Variants in TLE7 observed in about 807,000 individuals in gnomAD.
TLE7 encodes TLE family member 7, also known as transducin-like enhancer protein 7.
intron 5 of TLE7, 42 bp from the exon 6 acceptor site, chr16:71,432,044 C>T (rs1267367027): frequency 1.5e-5 from 6 of 400,720 alleles, no homozygotes; most frequent in Admixed American, 8.8e-5. Context: ...CTTGGGGCAC[C>T]GAACCTGGGT....
Position 71,430,986 on chromosome 16 carries a change from TTCAGGCTG to T in TLE7, c.1147+127_1147+134del. On this transcript the variant is annotated intron_variant, in intron 8 of 9. Transcript: ENST00000561754. ...CACGCCTCTTCAGTCTGCCTGAGTC[TTCAGGCTG>T]TCATTCTGTGCAGGATCTCCCATTA... The T allele has an allele frequency of 1.0e-5, 4 of 399,354 alleles. No homozygotes were observed. In the Admixed American group the frequency reaches 1.8e-4, roughly 18 times the overall value. 24.7% of individuals were successfully genotyped at this position (399,354 alleles called of 1,614,324 possible).
intron 1 of TLE7, among the ~76,000 whole-genome samples, chr16:71,438,572 T>G (rs1464473523): frequency 6.7e-6 from 1 of 148,574 alleles, no homozygotes; most frequent in African/African-American, 2.5e-5. Flanking sequence ...TCCCAGCTAT[T>G]CGGGAGGCTG....
At position 71,431,209 on chromosome 16, in the gene TLE7, G is replaced by A. The variant is rs751122339; in HGVS notation, c.1059C>T (p.Ile353=). The stretch of plus-strand genomic sequence containing the variant: ...CATTCCGACGAGTGTGAAGGAACAC[G>A]ATATCACTCGTTCTCAGGCCCGCCA... The part of the protein sequence containing the change: ...WVLAGLRTSD[I]VFLHTRRNEQ... The change falls in exon 8 of 10, where the codon ATC becomes ATT. Residue 353 remains isoleucine, a synonymous_variant. Coordinates refer to ENST00000561754, the MANE Select transcript of TLE7 (RefSeq NM_001367365.2). The surrounding 1 kb of genome is among the most constrained non-coding windows in gnomAD (Gnocchi z 4.5). 3.7e-5 allele frequency: 15 copies of A among 400,484 alleles called. No homozygotes were observed. Among genetic ancestry groups the A allele is most frequent in the Admixed American group, 1.8e-4 (4 of 22,720 alleles). 24.8% of individuals were successfully genotyped at this position (400,484 alleles called of 1,614,324 possible).
chr16:71,441,725 C>G (rs1007664366), intron 1 of TLE7, among the ~76,000 whole-genome samples: 1 of 152,250 alleles, frequency 6.6e-6, no homozygotes, highest in Non-Finnish European at 1.5e-5. Context: ...CCCCGCTCCC[C>G]TGCCCCCTTC....
intron 1 of TLE7, among the ~76,000 whole-genome samples, chr16:71,435,876 A>AC (rs1301543297): frequency 6.6e-6 from 1 of 152,170 alleles, no homozygotes. Context: ...AGCAGAGACC[A>AC]CCACTGCTCA....
Position 71,430,755 on chromosome 16 carries a change from G to T in TLE7, c.1148-14C>A. 5.0e-6 allele frequency: 2 copies of T among 398,432 alleles called. No homozygotes were observed. Among genetic ancestry groups the T allele is most frequent in the South Asian group, 2.6e-4 (2 of 7,744 alleles). 24.7% of individuals were successfully genotyped at this position (398,432 alleles called of 1,614,324 possible). ...CAAAATAGCTCCCTGGTGAAGGAACGAACAGGTGAGAGGCCAGAGACCAAT... is the reference window on the plus strand; with the variant it reads ...CAAAATAGCTCCCTGGTGAAGGAACTAACAGGTGAGAGGCCAGAGACCAAT... On this transcript the variant is annotated splice_polypyrimidine_tract_variant and intron_variant, in intron 8 of 9. Transcript: ENST00000561754.
At chr16:71,440,886 C>T (rs1179032504) in intron 1 of TLE7, among the ~76,000 whole-genome samples, 2 of 152,180 alleles carry the variant, frequency 1.3e-5, no homozygotes, top group Admixed American at 6.5e-5. Flanking sequence ...CTCCTCCCAC[C>T]TCCTCCCTCA....
chr16:71,434,815 A>G (rs974733234), intron 1 of TLE7, among the ~76,000 whole-genome samples: 1 of 152,206 alleles, frequency 6.6e-6, no homozygotes, highest in African/African-American at 2.4e-5. Flanking sequence ...GAAGGAAGGC[A>G]ATATCCGCCA....
At chr16:71,432,437 C>A (rs552564143) in intron 4 of TLE7, 112 bp from the exon 5 acceptor site, 1 of 397,764 alleles carries the variant, frequency 2.5e-6, no homozygotes, top group Non-Finnish European at 4.4e-6. Context: ...CCCACCCAAC[C>A]GCAGAACCTG....
At chr16:71,434,655 C>T (rs760272313) in intron 1 of TLE7, among the ~76,000 whole-genome samples, 7 of 152,146 alleles carry the variant, frequency 4.6e-5, no homozygotes, top group African/African-American at 7.2e-5. Flanking sequence ...ATTTTATGCT[C>T]ACAACTATAT....
At position 71,431,067 on chromosome 16, in the gene TLE7, C is replaced by T. The variant is rs181738922; in HGVS notation, c.1147+54G>A. 8.7e-5 allele frequency: 35 copies of T among 400,654 alleles called. No individual in the cohort carries two copies. Among genetic ancestry groups the T allele is most frequent in the Non-Finnish European group, 1.5e-4 (33 of 226,240 alleles). The allele number at this position is 400,654 out of a possible 1,614,324, so 24.8% of individuals were successfully genotyped here. On this transcript the variant is annotated intron_variant, in intron 8 of 9. Transcript: ENST00000561754. This position sits in a 1 kb window ranked among gnomAD's most constrained non-coding sequence, Gnocchi z 4.5. ...GGGGGGTGAACAGAGAAAGAAGAGA[C>T]GACAGCAAGTTCAAAATCGGACACC...
chr16:71,440,464 C>T (rs1026414324), intron 1 of TLE7, among the ~76,000 whole-genome samples: 5 of 149,196 alleles, frequency 3.4e-5, no homozygotes, highest in African/African-American at 1.3e-4. Context: ...GGCAACAGAG[C>T]GAGACTGCGC....
intron 1 of TLE7, among the ~76,000 whole-genome samples, chr16:71,435,396 G>A (rs2042822321): frequency 6.6e-6 from 1 of 152,144 alleles, no homozygotes; most frequent in Non-Finnish European, 1.5e-5. Flanking sequence ...GGGTGGCAGA[G>A]TGAAACTCTG....
intron 1 of TLE7, among the ~76,000 whole-genome samples, chr16:71,438,376 G>C (rs546210292): frequency 5.6e-4 from 74 of 132,862 alleles, no homozygotes; most frequent in Non-Finnish European, 9.8e-4. Flanking sequence ...CCTGAAGCAA[G>C]ATTGCGCCAC....
intron 1 of TLE7, among the ~76,000 whole-genome samples, chr16:71,434,082 G>A (rs532996411): frequency 2.0e-5 from 3 of 152,238 alleles, no homozygotes; most frequent in South Asian, 4.1e-4. Flanking sequence ...ACCTAGAGGG[G>A]TTGGAGGAAA....
chr16:71,431,070 C>A lies in TLE7; in HGVS notation c.1147+51G>T. The A allele has an allele frequency of 2.5e-6, 1 of 400,702 alleles. No homozygotes were observed. The highest frequency in any genetic ancestry group is 4.4e-6 in the Non-Finnish European group (1 of 226,254). 24.8% of individuals were successfully genotyped at this position (400,702 alleles called of 1,614,324 possible). ...GGGTGAACAGAGAAAGAAGAGACGA[C>A]AGCAAGTTCAAAATCGGACACCCAG... On this transcript the variant is annotated intron_variant, in intron 8 of 9. Transcript: ENST00000561754. The surrounding 1 kb of genome is among the most constrained non-coding windows in gnomAD (Gnocchi z 4.5).
At chr16:71,441,542 G>T (rs897660260) in intron 1 of TLE7, among the ~76,000 whole-genome samples, 6 of 152,248 alleles carry the variant, frequency 3.9e-5, no homozygotes, top group Non-Finnish European at 7.3e-5. Context: ...TCCAGCCCTC[G>T]CTTGGCCGGC....
At chr16:71,430,510 G>A (rs1459886406) in intron 9 of TLE7, 144 bp from the exon 10 acceptor site, 3 of 397,932 alleles carry the variant, frequency 7.5e-6, no homozygotes, top group Middle Eastern at 6.3e-4. Flanking sequence ...TGACTTGGGA[G>A]TTCATAGGAT....
intron 1 of TLE7, among the ~76,000 whole-genome samples, chr16:71,434,657 C>T (rs2042819422): frequency 1.3e-5 from 2 of 152,152 alleles, no homozygotes; most frequent in Non-Finnish European, 2.9e-5. Flanking sequence ...TTTATGCTCA[C>T]AACTATATGG....
Sources: gnomAD v4.1 joint callset for allele counts (sites outside exome capture counted in the v4.1 genomes callset) on GRCh38, gnomAD v4.1.1 for gene constraint, Gnocchi (gnomAD v3.1) non-coding constraint, MANE v1.5 for transcripts, NCBI Gene and HGNC (gene_info 2026-07-23, HGNC 2026-07-21) for gene names.